The following COL25A1 variants were observed in gnomAD, a reference collection of about 807,000 sequenced individuals.
The protein encoded by COL25A1 is collagen alpha-1(XXV) chain.
COL25A1 carries 103 observed loss-of-function variants against 128.4 expected under a neutral mutation model. The observed-to-expected ratio is 0.80, with a 90% confidence interval of 0.68 to 0.94. COL25A1 has a LOEUF of 0.94. Ranked by LOEUF, COL25A1 falls within the 40% of genes least tolerant of loss-of-function variation. The pLI, the probability that COL25A1 is intolerant of heterozygous loss-of-function variation, is 0.00. For missense variants in COL25A1, 745 were observed against 840.0 expected, an observed-to-expected ratio of 0.89 and a Z score of 1.40; for synonymous variants, 279 against 277.2, an observed-to-expected ratio of 1.01 and a Z score of -0.06.
chr4:109,050,601 G>T (rs976144401), intron 3 of COL25A1, among the ~76,000 whole-genome samples: 1 of 151,920 alleles, frequency 6.6e-6, no homozygotes, highest in Non-Finnish European at 1.5e-5. Flanking sequence ...TTTCAGTCAG[G>T]TCCATCATAA....
At chr4:109,005,738 T>C (rs1185708581) in intron 6 of COL25A1, among the ~76,000 whole-genome samples, 1 of 152,106 alleles carries the variant, frequency 6.6e-6, no homozygotes, top group African/African-American at 2.4e-5. Context: ...GAGAATTTGT[T>C]TGTAGAAACC....
chr4:109,272,161 G>A (rs527575579), intron 3 of COL25A1, among the ~76,000 whole-genome samples: 10 of 152,142 alleles, frequency 6.6e-5, no homozygotes, highest in Non-Finnish European at 1.3e-4. Flanking sequence ...ACCTGAGCCC[G>A]AGAGGTCAAG....
chr4:109,035,746 G>C (rs1759282790), intron 5 of COL25A1, among the ~76,000 whole-genome samples: 1 of 151,922 alleles, frequency 6.6e-6, no homozygotes, highest in African/African-American at 2.4e-5. Flanking sequence ...TACAATTTTT[G>C]TAGTGAATTC....
At chr4:109,184,283 T>C (rs924221301) in intron 3 of COL25A1, among the ~76,000 whole-genome samples, 1 of 152,144 alleles carries the variant, frequency 6.6e-6, no homozygotes, top group African/African-American at 2.4e-5. Flanking sequence ...AAATCTAAAA[T>C]CCCTCTAGAG....
chr4:109,155,657 T>C (rs1771960500), intron 3 of COL25A1, among the ~76,000 whole-genome samples: 1 of 152,238 alleles, frequency 6.6e-6, no homozygotes, highest in Admixed American at 6.5e-5. Context: ...TAATTTTTAT[T>C]GCTATGATGT....
chr4:109,146,188 T>A (rs1770929259), intron 3 of COL25A1, among the ~76,000 whole-genome samples: 1 of 152,204 alleles, frequency 6.6e-6, no homozygotes, highest in Non-Finnish European at 1.5e-5. Context: ...AGAATTAGAA[T>A]AACCATGATT....
chr4:109,205,421 C>T lies in COL25A1; in HGVS notation c.367+95162G>A, dbSNP rs78116940. Among the ~76,000 whole-genome samples, 1,754 of 152,212 alleles carry T rather than the reference C, an allele frequency of 0.012. 62 individuals carry two copies. In the South Asian group the frequency reaches 0.14, roughly 12 times the overall value. The stretch of plus-strand genomic sequence containing the variant: ...CGGACACGGGACTAATTTTGGCCAA[C>T]GGATTGTGGACAGACATTGACATAT... On this transcript the variant is annotated intron_variant, in intron 3 of 37. Transcript: ENST00000399132.
At chr4:109,062,778 T>C (rs900741449) in intron 3 of COL25A1, among the ~76,000 whole-genome samples, 2 of 152,208 alleles carry the variant, frequency 1.3e-5, no homozygotes, top group Non-Finnish European at 2.9e-5. Context: ...ACAATCATTA[T>C]TAAGAAATTC....
At chr4:109,162,185 T>C (rs970681265) in intron 3 of COL25A1, among the ~76,000 whole-genome samples, 2 of 152,204 alleles carry the variant, frequency 1.3e-5, no homozygotes, top group Non-Finnish European at 2.9e-5. Context: ...AGGCTTCCCG[T>C]AGAAGGTTTT....
intron 3 of COL25A1, among the ~76,000 whole-genome samples, chr4:109,057,982 G>C (rs1218746098): frequency 1.3e-5 from 2 of 152,160 alleles, no homozygotes; most frequent in Non-Finnish European, 2.9e-5. Flanking sequence ...TCCGAACTGA[G>C]TGCAACGTTT....
At chr4:109,124,373 T>G (rs566443360) in intron 3 of COL25A1, among the ~76,000 whole-genome samples, 2 of 152,200 alleles carry the variant, frequency 1.3e-5, no homozygotes, top group Admixed American at 1.3e-4. Flanking sequence ...CATTATTAGC[T>G]ATAATCACCT....
chr4:109,272,177 G>A (rs1368170194), intron 3 of COL25A1, among the ~76,000 whole-genome samples: 1 of 152,192 alleles, frequency 6.6e-6, no homozygotes, highest in Non-Finnish European at 1.5e-5. Flanking sequence ...TCAAGGCTGC[G>A]ATGAGCCATG....
intron 8 of COL25A1, among the ~76,000 whole-genome samples, chr4:108,972,278 TA>T (rs1054752714): frequency 6.6e-6 from 1 of 151,910 alleles, no homozygotes; most frequent in Non-Finnish European, 1.5e-5. Flanking sequence ...ACTCTACATT[TA>T]AAAAAAAGAG....
At chr4:109,296,150 A>C (rs1372105818) in intron 3 of COL25A1, among the ~76,000 whole-genome samples, 2 of 152,214 alleles carry the variant, frequency 1.3e-5, no homozygotes, top group East Asian at 3.9e-4. Context: ...ACATGGGGTA[A>C]GTATACCAGG....
intron 5 of COL25A1, among the ~76,000 whole-genome samples, chr4:109,028,965 G>A (rs1328973597): frequency 6.6e-6 from 1 of 152,094 alleles, no homozygotes; most frequent in African/African-American, 2.4e-5. Context: ...TAAGAAGAAT[G>A]TTTTCAGTAC....
At chr4:108,862,354 C>A in intron 22 of COL25A1, 147 bp downstream of exon 22, 1 of 686,380 alleles carries the variant, frequency 1.5e-6, no homozygotes, top group East Asian at 2.5e-5. Flanking sequence ...CATAGGGATA[C>A]TGCAATCCCT....
rs117938724 is a variant in COL25A1 at position 109,081,022 on chromosome 4, C to T, written c.368-30843G>A. Among the ~76,000 whole-genome samples, 19 of 152,276 alleles carry T rather than the reference C, an allele frequency of 1.2e-4. No individual in the cohort carries two copies. The East Asian group carries it at 3.3e-3, about 26-fold the overall frequency. ...AAAGTTTCAGAGAATAAATAACCTG[C>T]GCAAGGTCACATTGCTGGCGAGTAG... On this transcript the variant is annotated intron_variant, in intron 3 of 37. Coordinates refer to ENST00000399132, the MANE Select transcript of COL25A1 (RefSeq NM_198721.4).
At chr4:109,246,656 A>G (rs1780286025) in intron 3 of COL25A1, among the ~76,000 whole-genome samples, 1 of 152,164 alleles carries the variant, frequency 6.6e-6, no homozygotes, top group South Asian at 2.1e-4. Context: ...CAATTTAATT[A>G]TTCTAAAAAA....
chr4:109,214,001 A>G (rs1290965016), intron 3 of COL25A1, among the ~76,000 whole-genome samples: 1 of 152,126 alleles, frequency 6.6e-6, no homozygotes, highest in East Asian at 1.9e-4. Flanking sequence ...CAGAAGGTTG[A>G]GTCCCCCATA....
Sources: gnomAD v4.1 joint callset for allele counts (sites outside exome capture counted in the v4.1 genomes callset) on GRCh38, gnomAD v4.1.1 for gene constraint, MANE v1.5 for transcripts, NCBI Gene and HGNC (gene_info 2026-07-23, HGNC 2026-07-21) for gene names.